RGS7: variants seen among roughly 807,000 people sequenced by gnomAD.
The protein encoded by RGS7 is regulator of G-protein signaling 7.
In RGS7, 27 loss-of-function variants were observed where a neutral mutation model predicts 81.1. The ratio of observed to expected loss-of-function variants is 0.33; its 90% CI spans 0.25 to 0.46. The LOEUF (loss-of-function observed/expected upper bound fraction) is 0.46. Ranked by LOEUF, RGS7 falls within the 20% of genes least tolerant of loss-of-function variation. RGS7 has a pLI of 1.00. For synonymous variants in RGS7, 208 were observed against 207.7 expected (o/e 1.00, Z -0.01); for missense variants, 396 against 607.4 (o/e 0.65, Z 3.66).
At chr1:241,302,393 CA>C (rs1264172730) in intron 2 of RGS7, among the ~76,000 whole-genome samples, 7 of 152,052 alleles carry the variant, frequency 4.6e-5, no homozygotes, top group African/African-American at 1.7e-4. Context: ...ACTAAAAATA[CA>C]AAAAATTAGC....
chr1:240,895,355 C>G (rs1668898978), intron 6 of RGS7, among the ~76,000 whole-genome samples: 1 of 151,628 alleles, frequency 6.6e-6, no homozygotes, highest in Non-Finnish European at 1.5e-5. Flanking sequence ...TTGTTACATA[C>G]ATATACATGT....
At chr1:240,875,111 TATC>T (rs1665159506) in intron 6 of RGS7, among the ~76,000 whole-genome samples, 1 of 152,184 alleles carries the variant, frequency 6.6e-6, no homozygotes, top group Admixed American at 6.5e-5. Context: ...TAATGGTAAC[TATC>T]ATCATCCCGC....
At chr1:241,017,948 G>C (rs999458871) in intron 3 of RGS7, among the ~76,000 whole-genome samples, 1 of 148,410 alleles carries the variant, frequency 6.7e-6, no homozygotes, top group East Asian at 1.9e-4. Flanking sequence ...GGGTTCTGAT[G>C]ACTGCTTTGT....
At chr1:240,940,767 G>A (rs1357812653) in intron 4 of RGS7, among the ~76,000 whole-genome samples, 1 of 150,704 alleles carries the variant, frequency 6.6e-6, no homozygotes, top group Non-Finnish European at 1.5e-5. Flanking sequence ...TAGAAAAATA[G>A]AGTGAAAGTA....
In RGS7 at chr1:241,172,199, GT is replaced by G. The variant is rs1311842576; in HGVS notation, c.79-73438del. Reference sequence around the variant, plus strand: ...AGGCACTTTTTGATTTTTGTCTTCTGTTTCCTAATTCTGCCAAGTTATTCTT... The same window carrying G: ...AGGCACTTTTTGATTTTTGTCTTCTGTTCCTAATTCTGCCAAGTTATTCTT... On this transcript the variant is annotated intron_variant, in intron 2 of 18. Coordinates refer to ENST00000440928, the MANE Select transcript of RGS7 (RefSeq NM_001364886.1). Among the ~76,000 whole-genome samples, 14 of 151,520 alleles carry G rather than the reference GT, an allele frequency of 9.2e-5. No individual in the cohort carries two copies. The East Asian group carries it at 2.3e-3, about 25-fold the overall frequency.
intron 2 of RGS7, among the ~76,000 whole-genome samples, chr1:241,134,852 C>A (rs2067376156): frequency 6.6e-6 from 1 of 152,022 alleles, no homozygotes; most frequent in African/African-American, 2.4e-5. Context: ...AGTCCCAAGG[C>A]GCAAGGCCAC....
intron 3 of RGS7, among the ~76,000 whole-genome samples, chr1:241,041,625 T>A (rs1362492655): frequency 1.3e-5 from 2 of 152,094 alleles, no homozygotes; most frequent in Non-Finnish European, 2.9e-5. Flanking sequence ...TCCCCCAATC[T>A]TCCCATGCAG....
chr1:240,891,024 C>G (rs1668206824), intron 6 of RGS7, among the ~76,000 whole-genome samples: 1 of 152,136 alleles, frequency 6.6e-6, no homozygotes, highest in Admixed American at 6.5e-5. Flanking sequence ...ATCACCTGAT[C>G]AATGCAGAAA....
chr1:240,981,111 GT>G (rs1290558203), intron 4 of RGS7, among the ~76,000 whole-genome samples: 9 of 151,582 alleles, frequency 5.9e-5, no homozygotes, highest in African/African-American at 2.2e-4. Flanking sequence ...TTTTTTGTTT[GT>G]TTGTTTGTTT....
chr1:240,797,656 CTA>C (rs1490701079), intron 18 of RGS7, among the ~76,000 whole-genome samples: 1 of 151,964 alleles, frequency 6.6e-6, no homozygotes, highest in Non-Finnish European at 1.5e-5. Flanking sequence ...CCAGCAGATG[CTA>C]TGATATTTTA....
chr1:240,920,363 T>A, intron 6 of RGS7: 1 of 1,536,908 alleles, frequency 6.5e-7, no homozygotes, highest in Admixed American at 1.7e-5. Flanking sequence ...GTGGATATGG[T>A]GGCAGTGGGG....
chr1:240,946,111 A>C (rs1427656646), intron 4 of RGS7, among the ~76,000 whole-genome samples: 1 of 152,210 alleles, frequency 6.6e-6, no homozygotes, highest in African/African-American at 2.4e-5. Context: ...AATTTTAAAT[A>C]CCACAATTAA....
intron 2 of RGS7, among the ~76,000 whole-genome samples, chr1:241,312,379 T>C (rs761454670): frequency 7.2e-5 from 11 of 152,210 alleles, no homozygotes; most frequent in African/African-American, 1.2e-4. Flanking sequence ...AACTGAAAGT[T>C]TGTGACAACT....
intron 3 of RGS7, among the ~76,000 whole-genome samples, chr1:241,070,114 T>C (rs559300370): frequency 6.6e-6 from 1 of 152,288 alleles, no homozygotes; most frequent in Admixed American, 6.5e-5. Context: ...TGATCCACAC[T>C]TGTGCTCTGA....
At chr1:240,915,268 C>T (rs530186634) in intron 6 of RGS7, among the ~76,000 whole-genome samples, 2 of 152,254 alleles carry the variant, frequency 1.3e-5, no homozygotes, top group South Asian at 4.1e-4. Flanking sequence ...ACTCCAGCCC[C>T]TCTATCCTTC....
At chr1:240,916,698 G>A (rs898102644) in intron 6 of RGS7, among the ~76,000 whole-genome samples, 11 of 152,196 alleles carry the variant, frequency 7.2e-5, no homozygotes, top group African/African-American at 2.4e-4. Context: ...GACACGGGAA[G>A]GTGGCCTTCT....
chr1:241,338,749 A>AAT (rs549266345), intron 2 of RGS7, among the ~76,000 whole-genome samples: 16 of 149,926 alleles, frequency 1.1e-4, no homozygotes, highest in African/African-American at 3.2e-4. Flanking sequence ...TTATATATTA[A>AAT]ATATATATAT....
chr1:241,073,966 TCTCAGCTCACCGTAACCTCCGC>T (rs1330340423), intron 3 of RGS7, among the ~76,000 whole-genome samples: 1 of 151,868 alleles, frequency 6.6e-6, no homozygotes, highest in Non-Finnish European at 1.5e-5. Context: ...AGTGGCACGA[TCTCAGCTCACCGTAACCTCCGC>T]CTCCCAGGTT....
intron 3 of RGS7, among the ~76,000 whole-genome samples, chr1:241,016,245 T>C (rs375617478): frequency 6.4e-4 from 98 of 152,160 alleles, no homozygotes; most frequent in African/African-American, 1.3e-3. Context: ...CATGTCTGGG[T>C]GCGGTGGCTC....
Sources: allele counts gnomAD v4.1 joint callset (sites outside exome capture counted in the v4.1 genomes callset), GRCh38; gene constraint gnomAD v4.1.1; transcripts MANE v1.5; gene names NCBI Gene and HGNC (gene_info 2026-07-23, HGNC 2026-07-21).